The following TENM2 variants were observed in gnomAD, a reference collection of about 807,000 sequenced individuals.
TENM2 encodes teneurin-2.
In TENM2, 52 loss-of-function variants were observed where a neutral mutation model predicts 245.2. The observed-to-expected ratio is 0.21, with a 90% CI of 0.17 to 0.27. TENM2 has a LOEUF of 0.27. Ranked by LOEUF, TENM2 falls within the 10% of genes least tolerant of loss-of-function variation. TENM2 has a pLI of 1.00. For missense variants in TENM2, 3,046 were observed against 3,666.8 expected, an observed-to-expected ratio of 0.83 and a Z score of 4.37; for synonymous variants, 1,363 against 1,438.9, an observed-to-expected ratio of 0.95 and a Z score of 1.19.
Position 167,977,816 on chromosome 5 carries a change from A to T in TENM2, c.948-15128A>T, listed in dbSNP as rs942394583. Among the ~76,000 whole-genome samples, 5 of 152,216 alleles carry T rather than the reference A, an allele frequency of 3.3e-5. No individual in the cohort carries two copies. In the East Asian group the frequency reaches 9.6e-4, roughly 29 times the overall value. On this transcript the variant is annotated intron_variant, in intron 4 of 28. Coordinates refer to ENST00000518659, the Ensembl canonical transcript of TENM2. ...GGTTTCTCAAAAAGTTAACCATTTT[A>T]TGACCATATTATGTAGTTGGGATGT...
the TENM2 span, among the ~76,000 whole-genome samples, chr5:167,071,275 T>C: frequency 6.6e-6 from 1 of 152,188 alleles, no homozygotes; most frequent in African/African-American, 2.4e-5. Flanking sequence ...CAAACTAATA[T>C]TCAAGAGAGT....
At chr5:167,273,033 C>T in the TENM2 span, among the ~76,000 whole-genome samples, 3 of 152,170 alleles carry the variant, frequency 2.0e-5, no homozygotes, top group African/African-American at 7.2e-5. Flanking sequence ...CTTTCACACA[C>T]ATATCTCAAA....
At chr5:167,957,051 C>T (rs1369713079) in intron 4 of TENM2, among the ~76,000 whole-genome samples, 2 of 151,902 alleles carry the variant, frequency 1.3e-5, no homozygotes, top group East Asian at 1.9e-4. Context: ...GGAATGGTAC[C>T]AGCTCCTTTT....
intron 2 of TENM2, among the ~76,000 whole-genome samples, chr5:167,534,296 A>C (rs1193247675): frequency 6.6e-6 from 1 of 152,190 alleles, no homozygotes; most frequent in Non-Finnish European, 1.5e-5. Context: ...TGCCAATGTG[A>C]GTCAGGCTTG....
chr5:167,296,215 C>T lies in TENM2; in HGVS notation c.226+11152C>T, dbSNP rs542113284. The T allele has an allele frequency of 9.2e-5, 14 of 152,326 alleles. No homozygotes were observed. In the East Asian group the frequency reaches 1.4e-3, roughly 15 times the overall value. The allele number at this position is 152,326 out of a possible 1,614,324, so 9.4% of individuals were successfully genotyped here. On this transcript the variant is annotated intron_variant, in intron 1 of 28. Transcript: ENST00000518659. ...GCCAGACCCACAAAATGTGAAGCCTCTTTGTGTTCACCCTGATTTATGAAT... is the reference window on the plus strand; with the variant it reads ...GCCAGACCCACAAAATGTGAAGCCTTTTTGTGTTCACCCTGATTTATGAAT...
intron 13 of TENM2, among the ~76,000 whole-genome samples, chr5:168,180,369 C>G (rs960027909): frequency 9.2e-5 from 14 of 152,358 alleles, no homozygotes; most frequent in Admixed American, 7.8e-4. Flanking sequence ...TAAAGTTTAA[C>G]TTCGTTTAAC....
At chr5:168,099,307 T>G (rs908331162) in intron 9 of TENM2, among the ~76,000 whole-genome samples, 1 of 152,108 alleles carries the variant, frequency 6.6e-6, no homozygotes. Flanking sequence ...GGCAGTTGAG[T>G]GCACTTGCTG....
the TENM2 span, among the ~76,000 whole-genome samples, chr5:167,103,770 C>T: frequency 2.6e-5 from 4 of 152,076 alleles, no homozygotes; most frequent in Admixed American, 2.0e-4. Flanking sequence ...GACTACAAGT[C>T]CCCTGAGGGC....
intron 2 of TENM2, among the ~76,000 whole-genome samples, chr5:167,454,782 G>A (rs1378585801): frequency 6.6e-6 from 1 of 152,138 alleles, no homozygotes; most frequent in Non-Finnish European, 1.5e-5. Flanking sequence ...AAAGTCCAGG[G>A]ACTCCTACGG....
chr5:168,236,973 TATATATATATATATATATATATATATA>T (rs1293715435), intron 25 of TENM2, among the ~76,000 whole-genome samples: 381 of 5,562 alleles, frequency 0.069, 16 homozygotes, highest in African/African-American at 0.09. Flanking sequence ...TATATATATA[TATATATATATATATATATATATATATA>T]TTTTTTTTTT....
At chr5:167,483,952 T>C (rs1767912940) in intron 2 of TENM2, among the ~76,000 whole-genome samples, 1 of 152,202 alleles carries the variant, frequency 6.6e-6, no homozygotes, top group African/African-American at 2.4e-5. Flanking sequence ...ATTTCGATGC[T>C]AATTATGTAT....
chr5:167,539,635 T>C (rs899249245), intron 2 of TENM2, among the ~76,000 whole-genome samples: 1 of 152,174 alleles, frequency 6.6e-6, no homozygotes, highest in African/African-American at 2.4e-5. Context: ...GTAGGACTGG[T>C]TGATCAAGCA....
rs906940666 is a variant in TENM2 at position 167,662,250 on chromosome 5, G to C, written c.503-213736G>C. Among the ~76,000 whole-genome samples, 3 of 152,146 alleles carry C rather than the reference G, an allele frequency of 2.0e-5. No homozygotes were observed. The South Asian group carries it at 6.2e-4, about 32-fold the overall frequency. ...AGATTCTTGCTAGATTGGGTATGGG[G>C]AGTTGGGGTGGAGAGAGACTCAGAG... is the stretch of plus-strand genomic sequence containing the variant. On this transcript the variant is annotated intron_variant, in intron 2 of 28. Transcript: ENST00000518659.
chr5:167,656,571 T>C (rs73801319), intron 2 of TENM2, among the ~76,000 whole-genome samples: 5,127 of 152,290 alleles, frequency 0.034, 292 homozygotes, highest in African/African-American at 0.12. Context: ...GACTTACTTA[T>C]TATAACATCA....
At chr5:168,223,792 T>C (rs1333084549) in intron 23 of TENM2, among the ~76,000 whole-genome samples, 1 of 152,116 alleles carries the variant, frequency 6.6e-6, no homozygotes, top group Non-Finnish European at 1.5e-5. Context: ...TTCTAAATTA[T>C]GGGAAAATGC....
At chr5:167,737,363 G>A (rs1760874535) in intron 2 of TENM2, among the ~76,000 whole-genome samples, 1 of 152,184 alleles carries the variant, frequency 6.6e-6, no homozygotes, top group Non-Finnish European at 1.5e-5. Flanking sequence ...CTACCAAGCA[G>A]TGCCTGCTCG....
chr5:167,069,793 AT>A, the TENM2 span, among the ~76,000 whole-genome samples: 5 of 152,336 alleles, frequency 3.3e-5, no homozygotes, highest in African/African-American at 1.2e-4. Context: ...ATGCTAAAAA[AT>A]ATTCAAAAAT....
chr5:167,214,546 G>A, the TENM2 span, among the ~76,000 whole-genome samples: 5 of 151,962 alleles, frequency 3.3e-5, no homozygotes, highest in East Asian at 3.9e-4. Context: ...CATCAATGTC[G>A]CTGTCACAAT....
intron 2 of TENM2, among the ~76,000 whole-genome samples, chr5:167,528,065 CA>C (rs1344992193): frequency 3.3e-5 from 5 of 152,134 alleles, no homozygotes; most frequent in Admixed American, 6.6e-5. Context: ...TGTATAAAGT[CA>C]GTCTTCTGAC....
Sources: allele counts gnomAD v4.1 joint callset (sites outside exome capture counted in the v4.1 genomes callset), GRCh38; gene constraint gnomAD v4.1.1; transcripts MANE v1.5; gene names NCBI Gene and HGNC (gene_info 2026-07-23, HGNC 2026-07-21).